Variants in UGT1A6 observed in about 807,000 individuals in gnomAD.
The protein encoded by UGT1A6 is UDP-glucuronosyltransferase 1A6.
Under a neutral mutation model 44.4 loss-of-function variants are expected in UGT1A6, and 32 were observed. The observed-to-expected ratio is 0.72, with a 90% CI of 0.54 to 0.97. UGT1A6 has a LOEUF of 0.97. UGT1A6 is among the 50% of genes least tolerant of loss of function. The pLI is 0.00. For missense variants in UGT1A6, 685 were observed against 661.9 expected, an observed-to-expected ratio of 1.03 and a Z score of -0.38; for synonymous variants, 238 against 248.5, an observed-to-expected ratio of 0.96 and a Z score of 0.40.
chr2:233,745,744 G>A (rs1406161320), intron 1 of UGT1A6, among the ~76,000 whole-genome samples: 1 of 149,304 alleles, frequency 6.7e-6, no homozygotes, highest in Non-Finnish European at 1.5e-5. Context: ...GAGGGAGGGG[G>A]CAAGCAGAAG....
chr2:233,751,147 C>A (rs1013062479), intron 1 of UGT1A6, among the ~76,000 whole-genome samples: 1 of 151,976 alleles, frequency 6.6e-6, no homozygotes, highest in African/African-American at 2.4e-5. Context: ...TGGGAGCCCA[C>A]TTCTGGCATC....
intron 1 of UGT1A6, among the ~76,000 whole-genome samples, chr2:233,745,064 T>C (rs1693002453): frequency 6.6e-6 from 1 of 151,912 alleles, no homozygotes; most frequent in Non-Finnish European, 1.5e-5. Flanking sequence ...TTTGTATTAT[T>C]TGTATTGTTT....
intron 1 of UGT1A6, among the ~76,000 whole-genome samples, chr2:233,733,802 G>A (rs2078438664): frequency 6.6e-6 from 1 of 152,152 alleles, no homozygotes; most frequent in African/African-American, 2.4e-5. Flanking sequence ...TTTGGTATCA[G>A]GATGATGCTG....
rs1698334430 is a variant in UGT1A6 at position 233,763,527 on chromosome 2, C to G, written c.862-3507C>G. 2.6e-5 allele frequency among the ~76,000 whole-genome samples: 4 copies of G among 152,146 alleles called. No individual in the cohort carries two copies. In the South Asian group the frequency reaches 8.3e-4, roughly 31 times the overall value. The stretch of plus-strand genomic sequence containing the variant: ...ATGTTTAGTTGACTTTGCCATTCTC[C>G]TTTTTCCGGATTTCTACTGGTTGGT... On this transcript the variant is annotated intron_variant, in intron 1 of 4. Coordinates refer to ENST00000305139, the MANE Select transcript of UGT1A6 (RefSeq NM_001072.4).
intron 1 of UGT1A6, among the ~76,000 whole-genome samples, chr2:233,731,993 G>T (rs913496587): frequency 6.6e-6 from 1 of 152,180 alleles, no homozygotes; most frequent in African/African-American, 2.4e-5. Context: ...GGCGTGAGAT[G>T]GTATCTCATT....
At chr2:233,740,735 C>T (rs1403537292) in intron 1 of UGT1A6, 2 of 151,614 alleles carry the variant, frequency 1.3e-5, no homozygotes, top group Non-Finnish European at 2.9e-5. Flanking sequence ...AGGAAATGCC[C>T]CCTTTTACAC....
intron 1 of UGT1A6, among the ~76,000 whole-genome samples, chr2:233,751,872 G>C (rs151015857): frequency 6.6e-6 from 1 of 152,110 alleles, no homozygotes; most frequent in Non-Finnish European, 1.5e-5. Context: ...AAATTACCCC[G>C]TCTTGGGTAT....
At chr2:233,704,040 A>C (rs2075765017) in intron 1 of UGT1A6, among the ~76,000 whole-genome samples, 1 of 151,878 alleles carries the variant, frequency 6.6e-6, no homozygotes, top group African/African-American at 2.4e-5. Context: ...ACAGGTGTGC[A>C]CCAACATGCC....
chr2:233,765,482 C>T (rs1647966215), intron 1 of UGT1A6, among the ~76,000 whole-genome samples: 1 of 152,108 alleles, frequency 6.6e-6, no homozygotes, highest in South Asian at 2.1e-4. Context: ...TGGAAGCCAT[C>T]ATCCTCCACA....
chr2:233,700,871 C>G (rs1196807341), intron 1 of UGT1A6, among the ~76,000 whole-genome samples: 4 of 151,832 alleles, frequency 2.6e-5, no homozygotes, highest in African/African-American at 9.7e-5. Context: ...ATCCCTCCCT[C>G]CTCCCCCCAC....
intron 1 of UGT1A6, among the ~76,000 whole-genome samples, chr2:233,757,535 A>AATATATATAC (rs376887521): frequency 4.5e-5 from 4 of 88,310 alleles, no homozygotes; most frequent in South Asian, 5.2e-4. Context: ...GCCTGTAAGG[A>AATATATATAC]ATATATATAT....
At chr2:233,725,886 G>T (rs2077481662) in intron 1 of UGT1A6, among the ~76,000 whole-genome samples, 1 of 152,018 alleles carries the variant, frequency 6.6e-6, no homozygotes, top group Admixed American at 6.6e-5. Context: ...ATGATTTGTA[G>T]GCAGGTGGGT....
chr2:233,752,243 C>G (rs777804991), intron 1 of UGT1A6: 1 of 152,156 alleles, frequency 6.6e-6, no homozygotes, highest in Non-Finnish European at 1.5e-5. Context: ...TTTTTGGACC[C>G]TACTGTGATG....
At position 233,772,434 on chromosome 2, in the gene UGT1A6, G is replaced by A; in HGVS notation, c.1474G>A (p.Gly492Ser). The change falls in exon 5 of 5, where the codon GGT (glycine) becomes AGT (serine). Residue 492 changes from glycine to serine, a missense_variant. Physicochemically the swap from Gly to Ser is moderately conservative, Grantham distance 56 (BLOSUM62 0). Coordinates refer to ENST00000305139, the MANE Select transcript of UGT1A6 (RefSeq NM_001072.4). ...CCAGTACCATTCCTTGGACGTGATT[G>A]GTTTCCTCTTGGCCGTCGTGCTGAC... ...WYQYHSLDVI[G>S]FLLAVVLTVA... The A allele has an allele frequency of 1.2e-6, 2 of 1,614,176 alleles. No individual in the cohort carries two copies. Among genetic ancestry groups the A allele is most frequent in the Non-Finnish European group, 1.7e-6 (2 of 1,180,036 alleles).
intron 1 of UGT1A6, chr2:233,753,510 T>G (rs1695226530): frequency 6.6e-6 from 1 of 152,246 alleles, no homozygotes; most frequent in Non-Finnish European, 1.5e-5. Context: ...GCCTGTCTAG[T>G]TGTTGCCCTT....
chr2:233,753,795 C>T (rs760622704), intron 1 of UGT1A6: 6 of 152,312 alleles, frequency 3.9e-5, no homozygotes, highest in African/African-American at 1.4e-4. Flanking sequence ...TTTCCAGGAC[C>T]TACCATAGTT....
At chr2:233,738,256 C>A (rs775163628) in intron 1 of UGT1A6, among the ~76,000 whole-genome samples, 10 of 152,180 alleles carry the variant, frequency 6.6e-5, no homozygotes, top group Non-Finnish European at 1.0e-4. Context: ...GAACTGGAGT[C>A]AATTAAAGCT....
intron 1 of UGT1A6, among the ~76,000 whole-genome samples, chr2:233,697,241 T>C (rs1474179923): frequency 6.6e-6 from 1 of 152,172 alleles, no homozygotes; most frequent in Admixed American, 6.5e-5. Flanking sequence ...TTTTTATTAC[T>C]GCTTCAATCT....
At chr2:233,736,231 C>G (rs570595506) in intron 1 of UGT1A6, among the ~76,000 whole-genome samples, 1 of 152,102 alleles carries the variant, frequency 6.6e-6, no homozygotes, top group African/African-American at 2.4e-5. Flanking sequence ...TTTTCTCTAA[C>G]CTTGTCTTCT....
Sources: gnomAD v4.1 joint callset for allele counts (sites outside exome capture counted in the v4.1 genomes callset) on GRCh38, gnomAD v4.1.1 for gene constraint, MANE v1.5 for transcripts, NCBI Gene and HGNC (gene_info 2026-07-23, HGNC 2026-07-21) for gene names.